The following RSPH14 variants were observed in gnomAD, a reference collection of about 807,000 sequenced individuals.
The protein encoded by RSPH14 is rhabdoid tumor deletion region gene 1.
In RSPH14, 20 loss-of-function variants were observed where a neutral mutation model predicts 26.7. The ratio of observed to expected loss-of-function variants is 0.75; its 90% CI spans 0.53 to 1.09. The LOEUF is 1.09. Among genes scored for constraint, RSPH14 ranks in the 50% least tolerant of loss-of-function variants. RSPH14 has a pLI of 0.00. For missense variants in RSPH14, 449 were observed against 457.2 expected (o/e 0.98, Z 0.16); for synonymous variants, 177 against 189.3 (o/e 0.93, Z 0.53).
chr22:23,136,097 C>T (rs1473393208), intron 3 of RSPH14: 8 of 554,874 alleles, frequency 1.4e-5, no homozygotes, highest in East Asian at 6.2e-5. Flanking sequence ...TCCCTGACCA[C>T]GGGGGCTTCC....
chr22:23,092,245 T>C (rs949872235), intron 4 of RSPH14, among the ~76,000 whole-genome samples: 1 of 152,274 alleles, frequency 6.6e-6, no homozygotes, highest in Admixed American at 6.5e-5. Flanking sequence ...TAGAGCCTTG[T>C]GTAAGAGCCA....
intron 4 of RSPH14, among the ~76,000 whole-genome samples, chr22:23,094,411 C>A (rs777184931): frequency 1.3e-5 from 2 of 152,146 alleles, no homozygotes; most frequent in African/African-American, 4.8e-5. Context: ...CCCTGACTCG[C>A]GGGGTTGGTG....
chr22:23,158,857 G>A, the RSPH14 span: 574 of 1,576,952 alleles, frequency 3.6e-4, 9 homozygotes, highest in South Asian at 6.1e-3. Context: ...TTTGGGGTGG[G>A]AGGATGGGTG....
At chr22:23,161,445 A>C in the RSPH14 span, 2 of 1,451,394 alleles carry the variant, frequency 1.4e-6, no homozygotes, top group Non-Finnish European at 1.9e-6. Context: ...TCCCCTGCCC[A>C]GTGTCAGCTA....
chr22:23,070,823 CG>C (rs2068346410), intron 4 of RSPH14: 1 of 152,034 alleles, frequency 6.6e-6, no homozygotes, highest in African/African-American at 2.4e-5. Context: ...CCGATGACCC[CG>C]CGGGAGGGGG....
chr22:23,153,154 A>T, the RSPH14 span: 1 of 1,594,348 alleles, frequency 6.3e-7, no homozygotes, highest in Admixed American at 1.7e-5. Flanking sequence ...TGGTTCCCCC[A>T]TGGCTCGTGG....
chr22:23,141,630 T>C (rs1252518850), intron 1 of RSPH14, among the ~76,000 whole-genome samples: 2 of 152,300 alleles, frequency 1.3e-5, no homozygotes, highest in African/African-American at 4.8e-5. Flanking sequence ...GTTAGTAGAA[T>C]GGACAGGCCA....
At chr22:23,092,827 C>T (rs2069021445) in intron 4 of RSPH14, among the ~76,000 whole-genome samples, 1 of 152,326 alleles carries the variant, frequency 6.6e-6, no homozygotes, top group East Asian at 1.9e-4. Flanking sequence ...ACAGAAGGGG[C>T]GCCTGGCTGT....
chr22:23,115,696 C>A (rs2069810675), intron 4 of RSPH14, among the ~76,000 whole-genome samples: 1 of 152,210 alleles, frequency 6.6e-6, no homozygotes, highest in African/African-American at 2.4e-5. Flanking sequence ...GCCACCCCTG[C>A]AAATGGAGGG....
intron 4 of RSPH14, among the ~76,000 whole-genome samples, chr22:23,102,863 C>G (rs1325950162): frequency 6.6e-6 from 1 of 152,232 alleles, no homozygotes; most frequent in Non-Finnish European, 1.5e-5. Flanking sequence ...CATGGGGATG[C>G]CCATGGTGTT....
upstream of RSPH14, chr22:23,142,099 A>T: frequency 1.1e-6 from 1 of 921,952 alleles, no homozygotes; most frequent in Non-Finnish European, 1.3e-6. Context: ...CAAACAGCCC[A>T]AGGCTGCGGC....
At chr22:23,070,662 T>A (rs1837315060) in intron 4 of RSPH14, 1 of 152,032 alleles carries the variant, frequency 6.6e-6, no homozygotes, top group Non-Finnish European at 1.5e-5. Context: ...CACTTGGGAC[T>A]CTTCCCAGGC....
intron 6 of RSPH14, among the ~76,000 whole-genome samples, chr22:23,059,976 T>A (rs2068057836): frequency 6.6e-6 from 1 of 152,144 alleles, no homozygotes; most frequent in Non-Finnish European, 1.5e-5. Context: ...GCCCAGGAGT[T>A]CAAGACCAGC....
intron 3 of RSPH14, among the ~76,000 whole-genome samples, chr22:23,137,592 T>A (rs559247019): frequency 3.3e-5 from 5 of 152,154 alleles, no homozygotes; most frequent in African/African-American, 1.2e-4. Context: ...CTTCAAATCC[T>A]GAACCGATTT....
At chr22:23,155,173 T>C in the RSPH14 span, among the ~76,000 whole-genome samples, 1 of 152,208 alleles carries the variant, frequency 6.6e-6, no homozygotes, top group Non-Finnish European at 1.5e-5. Flanking sequence ...TTGTGACTTG[T>C]CTACTTTGCA....
chr22:23,122,962 T>A, intron 4 of RSPH14: 1 of 643,592 alleles, frequency 1.6e-6, no homozygotes, highest in Non-Finnish European at 2.7e-6. Flanking sequence ...CAGAAGGAGG[T>A]GCCATTGCAG....
intron 4 of RSPH14, among the ~76,000 whole-genome samples, chr22:23,120,860 T>G (rs1253524519): frequency 5.3e-5 from 8 of 152,174 alleles, no homozygotes; most frequent in Admixed American, 5.2e-4. Flanking sequence ...CAGCAAGTGT[T>G]TGCTCAGTAA....
At chr22:23,070,304 C>T (rs959749075) in intron 4 of RSPH14, 1 of 145,778 alleles carries the variant, frequency 6.9e-6, no homozygotes, top group Non-Finnish European at 1.5e-5. Flanking sequence ...GCTCGCGGCT[C>T]CGCCCCCTGC....
chr22:23,072,635 G>A (rs538066400), intron 4 of RSPH14, among the ~76,000 whole-genome samples: 6 of 152,370 alleles, frequency 3.9e-5, no homozygotes, highest in Non-Finnish European at 5.9e-5. Flanking sequence ...TTGATGCAGC[G>A]AGAACAGGGC....
Sources: gnomAD v4.1 joint callset for allele counts (sites outside exome capture counted in the v4.1 genomes callset) on GRCh38, gnomAD v4.1.1 for gene constraint, MANE v1.5 for transcripts, NCBI Gene and HGNC (gene_info 2026-07-23, HGNC 2026-07-21) for gene names.